ZCCHC17: variants seen among roughly 807,000 people sequenced by gnomAD.
The protein encoded by ZCCHC17 is zinc finger CCHC domain-containing protein 17.
In ZCCHC17, 18 loss-of-function variants were observed where a neutral mutation model predicts 30.6. The ratio of observed to expected loss-of-function variants is 0.59; its 90% CI spans 0.41 to 0.87. ZCCHC17 has a LOEUF of 0.87. Among genes scored for constraint, ZCCHC17 ranks in the 40% least tolerant of loss-of-function variants. The pLI, the probability that ZCCHC17 is intolerant of heterozygous loss-of-function variation, is 0.00. For missense variants in ZCCHC17, 263 were observed against 284.2 expected, an observed-to-expected ratio of 0.93 and a Z score of 0.54; for synonymous variants, 88 against 92.4, an observed-to-expected ratio of 0.95 and a Z score of 0.27.
chr1:31,337,674 A>G (rs919288783), intron 4 of ZCCHC17, among the ~76,000 whole-genome samples: 6 of 152,222 alleles, frequency 3.9e-5, no homozygotes, highest in African/African-American at 1.4e-4. Flanking sequence ...CAGATAGTTT[A>G]CAGTCATTTT....
chr1:31,306,802 G>A (rs1164567131), intron 1 of ZCCHC17, among the ~76,000 whole-genome samples: 5 of 151,932 alleles, frequency 3.3e-5, no homozygotes, highest in African/African-American at 1.2e-4. Flanking sequence ...CAAGTAGCTG[G>A]GATTATAGGC....
intron 3 of ZCCHC17, among the ~76,000 whole-genome samples, chr1:31,326,157 T>C (rs966972932): frequency 6.6e-6 from 1 of 152,186 alleles, no homozygotes; most frequent in African/African-American, 2.4e-5. Flanking sequence ...TTACTGCCTA[T>C]GTTTAGAAGA....
intron 1 of ZCCHC17, among the ~76,000 whole-genome samples, chr1:31,302,197 C>T (rs1431425441): frequency 6.6e-6 from 1 of 152,084 alleles, no homozygotes; most frequent in Non-Finnish European, 1.5e-5. Flanking sequence ...CACTGCCCTC[C>T]AGCCTGGGCA....
intron 2 of ZCCHC17, among the ~76,000 whole-genome samples, chr1:31,313,871 CTT>C (rs34717953): frequency 6.8e-6 from 1 of 146,438 alleles, no homozygotes; most frequent in African/African-American, 2.5e-5. Context: ...TCTTCTTTCT[CTT>C]TTTTTTTTTT....
chr1:31,321,576 G>T (rs148302469), intron 3 of ZCCHC17, among the ~76,000 whole-genome samples: 73 of 152,340 alleles, frequency 4.8e-4, no homozygotes, highest in Admixed American at 1.9e-3. Context: ...CTGAGTTCAA[G>T]TGATTTTCAT....
intron 2 of ZCCHC17, among the ~76,000 whole-genome samples, chr1:31,313,068 CTTTTT>C (rs59004055): frequency 8.8e-6 from 1 of 113,486 alleles, no homozygotes; most frequent in African/African-American, 3.4e-5. Context: ...CACTGGGCCT[CTTTTT>C]TTTTTTTTTT....
chr1:31,322,074 A>G (rs1356424969), intron 3 of ZCCHC17, among the ~76,000 whole-genome samples: 1 of 152,244 alleles, frequency 6.6e-6, no homozygotes, highest in East Asian at 1.9e-4. Context: ...ATACACATAC[A>G]GAAACACAAA....
chr1:31,336,208 G>T (rs1638812688), intron 3 of ZCCHC17, among the ~76,000 whole-genome samples: 1 of 151,976 alleles, frequency 6.6e-6, no homozygotes. Context: ...GAGTAGCTGG[G>T]ATCACAGGTT....
intron 7 of ZCCHC17, among the ~76,000 whole-genome samples, chr1:31,363,268 C>T (rs1253049502): frequency 6.6e-6 from 1 of 151,348 alleles, no homozygotes; most frequent in Admixed American, 6.6e-5. Context: ...ACTGCAAGCT[C>T]CGCCTCCTGG....
chr1:31,347,478 G>C (rs1017562465), intron 6 of ZCCHC17, among the ~76,000 whole-genome samples: 5 of 152,138 alleles, frequency 3.3e-5, no homozygotes, highest in African/African-American at 1.2e-4. Flanking sequence ...GCATAGAGGG[G>C]AGAAGGAAAA....
chr1:31,336,920 C>A (rs188642346), intron 3 of ZCCHC17, among the ~76,000 whole-genome samples: 35 of 151,972 alleles, frequency 2.3e-4, no homozygotes, highest in African/African-American at 8.4e-4. Context: ...GCAATCTGCC[C>A]GCCTCAGCCT....
intron 5 of ZCCHC17, among the ~76,000 whole-genome samples, chr1:31,342,934 G>A (rs1221563246): frequency 2.0e-5 from 3 of 152,196 alleles, no homozygotes; most frequent in Non-Finnish European, 4.4e-5. Context: ...GGAAAGGAAT[G>A]AGGCAGAAAA....
Position 31,346,715 on chromosome 1 carries a change from T to C in ZCCHC17, c.393T>C (p.Thr131=), listed in dbSNP as rs779797823. 5.6e-6 allele frequency: 9 copies of C among 1,614,176 alleles called. No homozygotes were observed. The highest frequency in any genetic ancestry group is 5.5e-5 in the South Asian group (5 of 91,082). Residue 131 remains threonine, a synonymous_variant, in exon 6 of 8, where the codon ACT becomes ACC. Coordinates refer to ENST00000344147, the MANE Select transcript of ZCCHC17 (RefSeq NM_016505.4). ...TCACCCTTGAGGCTGTCTTGAACAC[T>C]ACCTGCAAGAAGTGTGGCTGTAAAG... ...QKITLEAVLN[T]TCKKCGCKGH...
chr1:31,331,388 C>T (rs557526492), intron 3 of ZCCHC17, among the ~76,000 whole-genome samples: 4 of 152,056 alleles, frequency 2.6e-5, no homozygotes, highest in African/African-American at 7.2e-5. Flanking sequence ...TCAAGTGATC[C>T]GCCCACCTCA....
intron 7 of ZCCHC17, among the ~76,000 whole-genome samples, chr1:31,360,265 G>A (rs551469700): frequency 5.3e-5 from 8 of 152,218 alleles, no homozygotes; most frequent in Admixed American, 3.9e-4. Flanking sequence ...CGCCTCCCAC[G>A]CTCAAGCGAT....
At chr1:31,345,005 C>T (rs1435714497) in intron 5 of ZCCHC17, among the ~76,000 whole-genome samples, 3 of 150,210 alleles carry the variant, frequency 2.0e-5, no homozygotes, top group African/African-American at 7.4e-5. Context: ...ACTACAAACA[C>T]AAGCCACCAT....
At chr1:31,310,819 C>T (rs1283233149) in intron 2 of ZCCHC17, among the ~76,000 whole-genome samples, 1 of 152,240 alleles carries the variant, frequency 6.6e-6, no homozygotes, top group East Asian at 1.9e-4. Context: ...AATAGAACCA[C>T]TATCCTGCAG....
chr1:31,323,015 C>T (rs934597302), intron 3 of ZCCHC17, among the ~76,000 whole-genome samples: 2 of 152,080 alleles, frequency 1.3e-5, no homozygotes, highest in African/African-American at 4.8e-5. Context: ...CCACCATGCC[C>T]AGCCCAGGCT....
intron 7 of ZCCHC17, among the ~76,000 whole-genome samples, chr1:31,352,478 T>C (rs1639502498): frequency 6.6e-6 from 1 of 152,190 alleles, no homozygotes; most frequent in African/African-American, 2.4e-5. Flanking sequence ...CCAAATAATA[T>C]TCTGTTCTAT....
Sources: allele counts gnomAD v4.1 joint callset (sites outside exome capture counted in the v4.1 genomes callset), GRCh38; gene constraint gnomAD v4.1.1; transcripts MANE v1.5; gene names NCBI Gene and HGNC (gene_info 2026-07-23, HGNC 2026-07-21).